Variants in DOCK9 observed in about 807,000 individuals in gnomAD.
The protein encoded by DOCK9 is dedicator of cytokinesis protein 9.
In DOCK9, 89 loss-of-function variants were observed where a neutral mutation model predicts 263.3. The observed-to-expected ratio is 0.34, with a 90% CI of 0.28 to 0.40. The LOEUF (loss-of-function observed/expected upper bound fraction) is 0.40, where lower values mean the gene tolerates loss of function less well. Ranked by LOEUF, DOCK9 falls within the 10% of genes least tolerant of loss-of-function variation. The probability of loss-of-function intolerance (pLI) is 1.00; values close to 1 mark genes in which losing one functional copy is unlikely to be tolerated. For synonymous variants in DOCK9, 976 were observed against 973.1 expected, an observed-to-expected ratio of 1.00 and a Z score of -0.06; for missense variants, 2,140 against 2,603.4, an observed-to-expected ratio of 0.82 and a Z score of 3.87.
intron 1 of DOCK9, among the ~76,000 whole-genome samples, chr13:99,029,034 G>A (rs1390781315): frequency 6.6e-6 from 1 of 152,166 alleles, no homozygotes; most frequent in Admixed American, 6.5e-5. Context: ...GCCACCAGGG[G>A]ACACTAGAGG....
At chr13:98,991,732 G>A (rs1367972807) in intron 1 of DOCK9, among the ~76,000 whole-genome samples, 1 of 151,512 alleles carries the variant, frequency 6.6e-6, no homozygotes, top group Admixed American at 6.6e-5. Context: ...GGAAAGTGTT[G>A]GACTAGGCAA....
intron 2 of DOCK9, among the ~76,000 whole-genome samples, chr13:98,953,699 T>G (rs1397761741): frequency 6.6e-6 from 1 of 152,256 alleles, no homozygotes; most frequent in African/African-American, 2.4e-5. Flanking sequence ...CATTTGATTT[T>G]GCTTTTCATT....
intron 52 of DOCK9, among the ~76,000 whole-genome samples, chr13:98,794,985 G>A (rs1229182345): frequency 1.3e-5 from 2 of 152,224 alleles, no homozygotes; most frequent in African/African-American, 4.8e-5. Flanking sequence ...TGAGTGATGT[G>A]CAGCCGGAAA....
rs1259829551 is a variant in DOCK9, at chr13:98,807,906, G to A, written c.5368-99C>T. 4 of 1,038,638 alleles carry A rather than the reference G, an allele frequency of 3.9e-6. No individual in the cohort carries two copies. The Admixed American group carries it at 9.3e-5, about 24-fold the overall frequency. The allele number at this position is 1,038,638 out of a possible 1,614,324, so 64.3% of individuals were successfully genotyped here. On this transcript the variant is annotated intron_variant, in intron 47 of 52. Transcript: ENST00000682017. ...ATTACAAGGGGGAAAAAAAGGAATG[G>A]GTCTAAAAATCCTGCTGAAATGGGC... is the stretch of plus-strand genomic sequence containing the variant.
chr13:98,902,283 C>T lies in DOCK9; in HGVS notation c.1380+5G>A. 6.2e-7 allele frequency: 1 copy of T among 1,612,942 alleles called. No individual in the cohort carries two copies. Among genetic ancestry groups the T allele is most frequent in the Non-Finnish European group, 8.5e-7 (1 of 1,179,630 alleles). On this transcript the variant is annotated splice_donor_5th_base_variant and intron_variant, in intron 12 of 52. Transcript: ENST00000682017. The stretch of plus-strand genomic sequence containing the variant: ...TAGTGGGAATGCTGGGCTCATACTC[C>T]CCACCTGCTTCGGATACTGCATGGC...
intron 33 of DOCK9, chr13:98,859,480 T>C (rs2093793405): frequency 6.6e-6 from 1 of 152,026 alleles, no homozygotes. Context: ...ATCCCCTACA[T>C]GAAATGGCGT....
intron 45 of DOCK9, among the ~76,000 whole-genome samples, chr13:98,823,239 T>C (rs1055025542): frequency 6.9e-4 from 105 of 152,304 alleles, no homozygotes; most frequent in African/African-American, 2.5e-3. Flanking sequence ...CACAGCCTGT[T>C]TGACAGGCTG....
intron 2 of DOCK9, chr13:98,949,843 A>G: frequency 2.1e-6 from 1 of 482,200 alleles, no homozygotes; most frequent in Non-Finnish European, 4.1e-6. Flanking sequence ...TGCAAGACCC[A>G]TGAGATCTCC....
intron 1 of DOCK9, among the ~76,000 whole-genome samples, chr13:99,012,127 C>T (rs1884592650): frequency 6.6e-6 from 1 of 152,206 alleles, no homozygotes; most frequent in Non-Finnish European, 1.5e-5. Flanking sequence ...AGAATCAGCA[C>T]TCTTAACCAC....
chr13:98,897,618 G>A lies in DOCK9; in HGVS notation c.1587-8C>T. 1 of 1,611,760 alleles carries A rather than the reference G, an allele frequency of 6.2e-7. No individual in the cohort carries two copies. The highest frequency in any genetic ancestry group is 8.5e-7 in the Non-Finnish European group (1 of 1,179,158). On this transcript the variant is annotated splice_region_variant and splice_polypyrimidine_tract_variant and intron_variant, in intron 14 of 52. Transcript: ENST00000682017. Reference sequence around the variant, plus strand: ...GCATCCTTAAACAATGTCCTGAAATGGCAAAGCAACATTTCTAAACTGGGT... The same window carrying A: ...GCATCCTTAAACAATGTCCTGAAATAGCAAAGCAACATTTCTAAACTGGGT...
intron 47 of DOCK9, chr13:98,808,755 T>C: frequency 1.1e-6 from 1 of 884,258 alleles, no homozygotes; most frequent in South Asian, 1.6e-5. Context: ...CCTAAATATA[T>C]GTATTATAAT....
intron 1 of DOCK9, among the ~76,000 whole-genome samples, chr13:99,003,560 T>A (rs1257972707): frequency 1.3e-5 from 2 of 152,182 alleles, no homozygotes; most frequent in Non-Finnish European, 2.9e-5. Context: ...ACTGAAATCC[T>A]CCTTTCCCAA....
intron 2 of DOCK9, among the ~76,000 whole-genome samples, chr13:98,932,938 G>A (rs2054199057): frequency 6.6e-6 from 1 of 152,120 alleles, no homozygotes; most frequent in Non-Finnish European, 1.5e-5. Context: ...ACAGAGATGA[G>A]TGACCATAAG....
In DOCK9 at chr13:98,881,911, C is replaced by T. The variant is rs761547282; in HGVS notation, c.2656G>A (p.Val886Ile). ...CCTTACCGAGTCACGTTAACCGCGA[C>T]TTCTTCCTGTGTGGCTCTGGTGAGG... Reference protein sequence around the residue: ...RVLTRATQEEVAVNVTRVIIH... With the variant: ...RVLTRATQEEIAVNVTRVIIH... The change falls in exon 24 of 53, where the codon GTC becomes ATC. Residue 886 changes from valine (V) to isoleucine (I), a missense_variant. Transcript: ENST00000682017. 21 of 1,587,192 alleles carry T rather than the reference C, an allele frequency of 1.3e-5. No homozygotes were observed. In the South Asian group the frequency reaches 2.4e-4, roughly 18 times the overall value.
chr13:99,083,430 T>C (rs992972654), intron 1 of DOCK9, among the ~76,000 whole-genome samples: 2 of 152,172 alleles, frequency 1.3e-5, no homozygotes, highest in Non-Finnish European at 2.9e-5. Flanking sequence ...GACACAGTTA[T>C]GTAAGAATAG....
chr13:98,991,711 A>G (rs1369018660), intron 1 of DOCK9, among the ~76,000 whole-genome samples: 1 of 151,424 alleles, frequency 6.6e-6, no homozygotes, highest in African/African-American at 2.4e-5. Context: ...TAAAAATATT[A>G]TATTTTTAGT....
chr13:99,054,295 T>C (rs1232997845), intron 1 of DOCK9, among the ~76,000 whole-genome samples: 2 of 152,194 alleles, frequency 1.3e-5, no homozygotes, highest in African/African-American at 2.4e-5. Context: ...AGACCCTTAA[T>C]GGGGTAATTT....
At chr13:98,901,370 A>T (rs1433073517) in intron 13 of DOCK9, among the ~76,000 whole-genome samples, 1 of 152,228 alleles carries the variant, frequency 6.6e-6, no homozygotes, top group East Asian at 1.9e-4. Context: ...TGGCCAGGTC[A>T]TCTGAGCCAA....
In DOCK9 at chr13:99,068,943, GT is replaced by G. The variant is rs369040475; in HGVS notation, c.129+17279del. Among the ~76,000 whole-genome samples the G allele has an allele frequency of 9.2e-5, 14 of 152,256 alleles. No homozygotes were observed. In the East Asian group the frequency reaches 2.7e-3, roughly 29 times the overall value. ...TTTCTACTTAAGAAAACAGCAATAT[GT>G]TAGAGTGACAGATTAAATAAGTCCT... On this transcript the variant is annotated intron_variant, in intron 1 of 32. Coordinates refer to the DOCK9 transcript ENST00000427887.
Sources: gnomAD v4.1 joint callset for allele counts (sites outside exome capture counted in the v4.1 genomes callset) on GRCh38, gnomAD v4.1.1 for gene constraint, MANE v1.5 for transcripts, NCBI Gene and HGNC (gene_info 2026-07-23, HGNC 2026-07-21) for gene names.